Variants in KHDRBS2 observed in about 807,000 individuals in gnomAD.
KHDRBS2 encodes KH domain-containing, RNA-binding, signal transduction-associated protein 2.
In KHDRBS2, 26 loss-of-function variants were observed where a neutral mutation model predicts 44.3. That is an observed-to-expected ratio of 0.59 (90% CI 0.43 to 0.81). The LOEUF (loss-of-function observed/expected upper bound fraction) is 0.81. Ranked by LOEUF, KHDRBS2 falls within the 40% of genes least tolerant of loss-of-function variation. The pLI is 0.00. For missense variants in KHDRBS2, 476 were observed against 433.1 expected, an observed-to-expected ratio of 1.10 and a Z score of -0.88; for synonymous variants, 194 against 151.1, an observed-to-expected ratio of 1.28 and a Z score of -2.08.
At chr6:62,082,412 C>A (rs540539633) in intron 2 of KHDRBS2, among the ~76,000 whole-genome samples, 1 of 151,550 alleles carries the variant, frequency 6.6e-6, no homozygotes, top group Admixed American at 6.6e-5. Context: ...AAAGTGGTTT[C>A]TTTTTGTCTT....
intron 1 of KHDRBS2, among the ~76,000 whole-genome samples, chr6:62,215,342 C>T (rs565899455): frequency 6.6e-6 from 1 of 151,852 alleles, no homozygotes; most frequent in African/African-American, 2.4e-5. Flanking sequence ...GCAAAATACA[C>T]CTTTCCTATG....
intron 6 of KHDRBS2, among the ~76,000 whole-genome samples, chr6:61,838,401 ACACGCT>A (rs1793057998): frequency 6.6e-6 from 1 of 152,022 alleles, no homozygotes; most frequent in South Asian, 2.1e-4. Flanking sequence ...AAAATGAAGA[ACACGCT>A]AATGTTTATA....
chr6:62,037,990 A>C (rs1785651683), intron 3 of KHDRBS2, among the ~76,000 whole-genome samples: 1 of 152,072 alleles, frequency 6.6e-6, no homozygotes. Context: ...TATTAAGCAA[A>C]AATACATAAA....
At chr6:61,763,513 G>A (rs1046673706) in intron 6 of KHDRBS2, among the ~76,000 whole-genome samples, 9 of 152,122 alleles carry the variant, frequency 5.9e-5, no homozygotes, top group African/African-American at 1.9e-4. Context: ...GTGAATTTCC[G>A]ACCAAGTTCT....
intron 1 of KHDRBS2, among the ~76,000 whole-genome samples, chr6:62,179,118 G>A (rs1002179909): frequency 4.0e-5 from 6 of 150,908 alleles, no homozygotes; most frequent in East Asian, 1.9e-4. Context: ...TAATCTTTTC[G>A]CATACTATTT....
intron 4 of KHDRBS2, among the ~76,000 whole-genome samples, chr6:61,941,224 C>G (rs974365301): frequency 5.9e-5 from 9 of 152,194 alleles, no homozygotes; most frequent in Admixed American, 3.9e-4. Flanking sequence ...CACACCATAG[C>G]TGGCACCTAC....
intron 6 of KHDRBS2, among the ~76,000 whole-genome samples, chr6:61,884,562 G>T (rs2127320931): frequency 6.6e-6 from 1 of 152,052 alleles, no homozygotes; most frequent in Non-Finnish European, 1.5e-5. Context: ...CAACATATGA[G>T]TTACAAGAGA....
the KHDRBS2 span, among the ~76,000 whole-genome samples, chr6:61,634,519 A>G: frequency 7.4e-6 from 1 of 135,214 alleles, no homozygotes; most frequent in African/African-American, 2.5e-5. Context: ...TCCCTGTCCT[A>G]ATAGACACTG....
chr6:61,731,395 T>A (rs1774425762), intron 7 of KHDRBS2, among the ~76,000 whole-genome samples: 1 of 152,084 alleles, frequency 6.6e-6, no homozygotes, highest in African/African-American at 2.4e-5. Context: ...GCGATGGTCA[T>A]TTCTACAGTG....
At position 61,786,700 on chromosome 6, in the gene KHDRBS2, C is replaced by A. The variant is rs184070933; in HGVS notation, c.811-53936G>T. Among the ~76,000 whole-genome samples the A allele has an allele frequency of 2.4e-3, 358 of 152,010 alleles. 2 individuals are homozygous for A. The highest frequency in any genetic ancestry group is 8.0e-3 in the African/African-American group (334 of 41,514). On this transcript the variant is annotated intron_variant, in intron 6 of 8. Coordinates refer to ENST00000281156, the MANE Select transcript of KHDRBS2 (RefSeq NM_152688.4). ...TTGGTGGGTAGAAAAAAGTGAAGATCTTAAACTCTGCTTTTATGAGTAAGC... is the reference window on the plus strand; with the variant it reads ...TTGGTGGGTAGAAAAAAGTGAAGATATTAAACTCTGCTTTTATGAGTAAGC...
chr6:62,167,189 C>T, intron 2 of KHDRBS2, among the ~76,000 whole-genome samples: 1 of 151,782 alleles, frequency 6.6e-6, no homozygotes, highest in East Asian at 1.9e-4. Flanking sequence ...AGAATGAAAA[C>T]AACTAGTTAA....
intron 3 of KHDRBS2, among the ~76,000 whole-genome samples, chr6:62,009,744 C>A (rs1393661366): frequency 2.0e-5 from 3 of 152,188 alleles, no homozygotes; most frequent in Admixed American, 2.0e-4. Context: ...AAGGTGCAAC[C>A]CTCAAGCCTT....
At position 62,286,142 on chromosome 6, in the gene KHDRBS2, C is replaced by G. The variant is rs920226721; in HGVS notation, c.-194G>C. ...CGGGCTGCGTGGCCCCGCGCCCACA[C>G]CTGCCCGTCCCTTCCGTCGTCCCTC... On this transcript the variant is annotated 5_prime_UTR_variant, in exon 1 of 9. Transcript: ENST00000281156. 2.8e-5 allele frequency: 16 copies of G among 563,722 alleles called. No homozygotes were observed. Among genetic ancestry groups the G allele is most frequent in the Non-Finnish European group, 4.0e-5 (13 of 323,382 alleles). 34.9% of individuals were successfully genotyped at this position (563,722 alleles called of 1,614,324 possible). A position where few individuals can be genotyped will look rare whatever the true frequency, so the allele number is the denominator to read the frequency against.
At chr6:61,545,849 A>T in the KHDRBS2 span, among the ~76,000 whole-genome samples, 3 of 152,046 alleles carry the variant, frequency 2.0e-5, no homozygotes, top group African/African-American at 7.2e-5. Flanking sequence ...CTCTCTCATG[A>T]GTGCCTGCAC....
chr6:61,974,035 A>T (rs567685226), intron 4 of KHDRBS2, among the ~76,000 whole-genome samples: 1 of 152,336 alleles, frequency 6.6e-6, no homozygotes, highest in South Asian at 2.1e-4. Context: ...AATGAGCAGA[A>T]TTTCATGCAA....
chr6:62,015,323 A>G (rs1479066755), intron 3 of KHDRBS2, among the ~76,000 whole-genome samples: 1 of 152,130 alleles, frequency 6.6e-6, no homozygotes, highest in Non-Finnish European at 1.5e-5. Context: ...TAAAGTTCAT[A>G]TTGTTTGAAA....
chr6:61,875,926 T>A (rs1297790155), intron 6 of KHDRBS2, among the ~76,000 whole-genome samples: 1 of 152,052 alleles, frequency 6.6e-6, no homozygotes, highest in Non-Finnish European at 1.5e-5. Flanking sequence ...TGGGTTTTTG[T>A]TTTCCTGCTG....
At chr6:62,079,832 T>C (rs1289619251) in intron 2 of KHDRBS2, among the ~76,000 whole-genome samples, 2 of 152,174 alleles carry the variant, frequency 1.3e-5, no homozygotes, top group East Asian at 3.9e-4. Flanking sequence ...TATTTATTTA[T>C]GTTTATAGTT....
At chr6:62,215,338 T>C (rs1425964629) in intron 1 of KHDRBS2, among the ~76,000 whole-genome samples, 1 of 151,668 alleles carries the variant, frequency 6.6e-6, no homozygotes, top group African/African-American at 2.4e-5. Context: ...CAGAGCAAAA[T>C]ACACCTTTCC....
Sources: allele counts gnomAD v4.1 joint callset (sites outside exome capture counted in the v4.1 genomes callset), GRCh38; gene constraint gnomAD v4.1.1; transcripts MANE v1.5; gene names NCBI Gene and HGNC (gene_info 2026-07-23, HGNC 2026-07-21).